Variants in YPEL2 observed in about 807,000 individuals in gnomAD.
The protein encoded by YPEL2 is protein yippee-like 2.
YPEL2 carries 2 observed loss-of-function variants against 19.1 expected under a neutral mutation model. That is an observed-to-expected ratio of 0.10 (90% CI 0.04 to 0.33). The LOEUF (loss-of-function observed/expected upper bound fraction) is 0.33. Among genes scored for constraint, YPEL2 ranks in the 10% least tolerant of loss-of-function variants. The probability of loss-of-function intolerance (pLI) is 1.00; values close to 1 mark genes in which losing one functional copy is unlikely to be tolerated. For synonymous variants in YPEL2, 52 were observed against 50.0 expected (o/e 1.04, Z -0.17); for missense variants, 66 against 140.7 (o/e 0.47, Z 2.68).
chr17:59,356,383 A>T (rs774267903), intron 2 of YPEL2: 1 of 150,200 alleles, frequency 6.7e-6, no homozygotes, highest in Non-Finnish European at 1.5e-5. Context: ...GTGAACTGGG[A>T]CTAGGACTAG....
rs916437850 is a variant in YPEL2 at position 59,353,260 on chromosome 17, C to G, written c.-150C>G. On this transcript the variant is annotated 5_prime_UTR_variant, in exon 2 of 5. Coordinates refer to ENST00000312655, the MANE Select transcript of YPEL2 (RefSeq NM_001005404.4). This position sits in a 1 kb window ranked among gnomAD's most constrained non-coding sequence, Gnocchi z 4.8. ...GACCTCTGCGTGAGGGTTCTTCTGCCGAAGACATCACCAGTGTGTGGAGCC... is the reference window on the plus strand; with the variant it reads ...GACCTCTGCGTGAGGGTTCTTCTGCGGAAGACATCACCAGTGTGTGGAGCC... 2.6e-5 allele frequency: 16 copies of G among 605,464 alleles called. No individual in the cohort carries two copies. The highest frequency in any genetic ancestry group is 3.7e-5 in the African/African-American group (2 of 54,012). 37.5% of individuals were successfully genotyped at this position (605,464 alleles called of 1,614,324 possible). A position where few individuals can be genotyped will look rare whatever the true frequency, so the allele number is the denominator to read the frequency against.
intron 2 of YPEL2, chr17:59,363,047 G>A (rs962796997): frequency 5.9e-5 from 9 of 152,220 alleles, no homozygotes; most frequent in African/African-American, 2.2e-4. Context: ...GAATGTTACA[G>A]ATAAGGTTGT....
intron 2 of YPEL2, among the ~76,000 whole-genome samples, chr17:59,373,965 T>G (rs1305441495): frequency 6.6e-6 from 1 of 152,222 alleles, no homozygotes; most frequent in Non-Finnish European, 1.5e-5. Flanking sequence ...ACAGGAAGTT[T>G]GAAAACACAA....
intron 4 of YPEL2, among the ~76,000 whole-genome samples, chr17:59,391,761 A>G (rs1460640542): frequency 6.6e-6 from 1 of 152,142 alleles, no homozygotes; most frequent in East Asian, 1.9e-4. Context: ...TTAGCTGGGC[A>G]TGGTGGCAGA....
At chr17:59,334,387 A>AT (rs1361092916) in intron 1 of YPEL2, among the ~76,000 whole-genome samples, 1 of 117,098 alleles carries the variant, frequency 8.5e-6, no homozygotes, top group African/African-American at 2.8e-5. Context: ...GACTCTTTTT[A>AT]TTTGGGGGGG....
At chr17:59,364,563 C>A (rs2047858422) in intron 2 of YPEL2, among the ~76,000 whole-genome samples, 1 of 152,008 alleles carries the variant, frequency 6.6e-6, no homozygotes, top group East Asian at 1.9e-4. Context: ...AGCCCAACCA[C>A]CTGGCTTATT....
At chr17:59,388,480 A>C in intron 3 of YPEL2, 110 bp downstream of exon 3, 1 of 1,126,772 alleles carries the variant, frequency 8.9e-7, no homozygotes, top group East Asian at 2.3e-5. Context: ...TGCCACAGTA[A>C]AACTCTGTGG....
intron 2 of YPEL2, among the ~76,000 whole-genome samples, chr17:59,374,566 G>A (rs2047911439): frequency 6.6e-6 from 1 of 152,216 alleles, no homozygotes; most frequent in Admixed American, 6.5e-5. Context: ...GTTTGTGCAT[G>A]TAACCTGAAG....
At chr17:59,352,979 A>G (rs1235636668) in intron 1 of YPEL2, among the ~76,000 whole-genome samples, 1 of 152,140 alleles carries the variant, frequency 6.6e-6, no homozygotes, top group Non-Finnish European at 1.5e-5. Flanking sequence ...CTGGGTGTCT[A>G]ATGAAACTGC....
At chr17:59,332,992 TA>T in intron 1 of YPEL2, among the ~76,000 whole-genome samples, 1 of 152,180 alleles carries the variant, frequency 6.6e-6, no homozygotes, top group African/African-American at 2.4e-5. Flanking sequence ...GCAAGAAGGG[TA>T]GCGGTCAGCT....
At chr17:59,360,110 AC>A (rs1234982564) in intron 2 of YPEL2, among the ~76,000 whole-genome samples, 1 of 148,252 alleles carries the variant, frequency 6.7e-6, no homozygotes, top group African/African-American at 2.5e-5. Context: ...GGAATCTTGC[AC>A]TGTTGCCCAG....
chr17:59,396,563 A>G (rs2048040321), intron 4 of YPEL2, among the ~76,000 whole-genome samples: 1 of 152,170 alleles, frequency 6.6e-6, no homozygotes, highest in South Asian at 2.1e-4. Flanking sequence ...GCTCCTGGAA[A>G]ATTGTGTTGT....
intron 1 of YPEL2, among the ~76,000 whole-genome samples, chr17:59,349,708 TGGAG>T (rs1197611431): frequency 6.6e-6 from 1 of 152,160 alleles, no homozygotes; most frequent in African/African-American, 2.4e-5. Flanking sequence ...GTCACCAGAC[TGGAG>T]TGCAGTGGCA....
At chr17:59,365,230 A>C (rs1029201100) in intron 2 of YPEL2, among the ~76,000 whole-genome samples, 3 of 152,146 alleles carry the variant, frequency 2.0e-5, no homozygotes, top group African/African-American at 7.2e-5. Flanking sequence ...TACAGTTGTC[A>C]TCTGTCGTCT....
intron 2 of YPEL2, among the ~76,000 whole-genome samples, chr17:59,369,128 A>G (rs1319865967): frequency 6.6e-6 from 1 of 152,092 alleles, no homozygotes; most frequent in Non-Finnish European, 1.5e-5. Context: ...GGCTCCCCAA[A>G]TCATTGAAAG....
At chr17:59,332,379 C>T (rs1418492648) in intron 1 of YPEL2, among the ~76,000 whole-genome samples, 1 of 152,186 alleles carries the variant, frequency 6.6e-6, no homozygotes, top group Non-Finnish European at 1.5e-5. Context: ...CGACCCGGGT[C>T]GAGGTAACCG....
chr17:59,377,366 G>T (rs1488973109), intron 2 of YPEL2, among the ~76,000 whole-genome samples: 2 of 152,210 alleles, frequency 1.3e-5, no homozygotes, highest in African/African-American at 4.8e-5. Context: ...TATTTGAACT[G>T]CAGAGGGCCC....
chr17:59,382,937 C>G (rs1435834251), intron 2 of YPEL2, among the ~76,000 whole-genome samples: 1 of 152,142 alleles, frequency 6.6e-6, no homozygotes, highest in Non-Finnish European at 1.5e-5. Flanking sequence ...GCCATCACGC[C>G]TAGCACTGAA....
chr17:59,339,121 AC>A (rs1206197680), intron 1 of YPEL2, among the ~76,000 whole-genome samples: 2 of 65,496 alleles, frequency 3.1e-5, no homozygotes, highest in Non-Finnish European at 6.4e-5. Flanking sequence ...CCCCACCCCC[AC>A]CCCAACGCCT....
Sources: allele counts gnomAD v4.1 joint callset (sites outside exome capture counted in the v4.1 genomes callset), GRCh38; gene constraint gnomAD v4.1.1; non-coding constraint Gnocchi (gnomAD v3.1); transcripts MANE v1.5; gene names NCBI Gene and HGNC (gene_info 2026-07-23, HGNC 2026-07-21).